The following RPL11 variants were observed in gnomAD, a reference collection of about 807,000 sequenced individuals.
The protein encoded by RPL11 is large ribosomal subunit protein uL5.
RPL11 carries 3 observed loss-of-function variants against 24.1 expected under a neutral mutation model. The observed-to-expected ratio is 0.12, with a 90% CI of 0.06 to 0.32. The LOEUF (loss-of-function observed/expected upper bound fraction) is 0.32, where lower values mean the gene tolerates loss of function less well. RPL11 is among the 10% of genes least tolerant of loss of function. The pLI is 1.00. For missense variants in RPL11, 146 were observed against 225.7 expected, an observed-to-expected ratio of 0.65 and a Z score of 2.26; for synonymous variants, 96 against 75.7, an observed-to-expected ratio of 1.27 and a Z score of -1.39.
chr1:23,695,612 T>A (rs1644528518), intron 4 of RPL11, 186 bp from the exon 5 acceptor site: 1 of 647,094 alleles, frequency 1.5e-6, no homozygotes, highest in Non-Finnish European at 2.8e-6. Flanking sequence ...AAAGCAAACT[T>A]ACAGTATGGC....
chr1:23,693,766 G>T (rs1277087007), intron 2 of RPL11, 41 bp from the exon 3 acceptor site: 2 of 1,343,398 alleles, frequency 1.5e-6, no homozygotes, highest in Non-Finnish European at 2.1e-6. Context: ...GTGTAGTGGG[G>T]GTATGATGGC....
chr1:23,696,239 C>G, intron 5 of RPL11, 105 bp from the exon 6 acceptor site: 1 of 1,114,444 alleles, frequency 9.0e-7, no homozygotes, highest in Non-Finnish European at 1.4e-6. Context: ...GGATTCAGAG[C>G]CCAAGTTCAT....
intron 4 of RPL11, 77 bp from the exon 5 acceptor site, chr1:23,695,721 G>C: frequency 7.6e-7 from 1 of 1,310,234 alleles, no homozygotes. Context: ...TTGAAGATCT[G>C]TCTGTAATGT....
chr1:23,694,674 G>A lies in RPL11; in HGVS notation c.279G>A (p.Glu93=), dbSNP rs1352894222. 1.2e-6 allele frequency: 2 copies of A among 1,613,870 alleles called. No individual in the cohort carries two copies. The highest frequency in any genetic ancestry group is 1.7e-6 in the Non-Finnish European group (2 of 1,179,920). Residue 93 remains glutamate (E), a synonymous_variant, in exon 4 of 6, where the codon GAG becomes GAA. Coordinates refer to ENST00000643754, the MANE Select transcript of RPL11 (RefSeq NM_000975.5). ...TTTCTCCACAGGTGCGGGAGTATGA[G>A]TTAAGAAAAAACAACTTCTCAGATA... ...LEKGLKVREY[E]LRKNNFSDTG...
intron 5 of RPL11, among the ~76,000 whole-genome samples, 156 bp from the exon 6 acceptor site, chr1:23,696,188 G>A (rs1397824478): frequency 6.6e-6 from 1 of 152,130 alleles, no homozygotes; most frequent in African/African-American, 2.4e-5. Flanking sequence ...TCAGCACAGT[G>A]TAAAAACCAG....
intron 1 of RPL11, 192 bp from the exon 2 acceptor site, chr1:23,692,417 G>A (rs991868679): frequency 2.0e-5 from 13 of 637,010 alleles, no homozygotes; most frequent in Admixed American, 5.3e-5. Flanking sequence ...CACCCGTTCC[G>A]TTCGTGGAGG....
chr1:23,694,853 A>G (rs1021462709), intron 4 of RPL11, 62 bp downstream of exon 4: 13 of 1,609,978 alleles, frequency 8.1e-6, no homozygotes, highest in Non-Finnish European at 1.0e-5. Flanking sequence ...TTTATTTCAT[A>G]TGTGGTATGT....
chr1:23,692,464 C>G lies in RPL11; in HGVS notation c.7-145C>G, dbSNP rs887624618. 2.1e-5 allele frequency: 21 copies of G among 999,166 alleles called. No homozygotes were observed. The South Asian group carries it at 2.9e-4, about 14-fold the overall frequency. 61.9% of individuals were successfully genotyped at this position (999,166 alleles called of 1,614,324 possible). ...CCGAGCTGTCTTCTTCCCTTGATGT[C>G]CCCTAAACATTATACCTTTTAAACA... On this transcript the variant is annotated intron_variant, in intron 1 of 5. Transcript: ENST00000643754.
chr1:23,695,709 C>G, intron 4 of RPL11, 89 bp from the exon 5 acceptor site: 1 of 1,245,880 alleles, frequency 8.0e-7, no homozygotes, highest in Non-Finnish European at 1.1e-6. Flanking sequence ...CCAAGTGACT[C>G]TTTGAAGATC....
chr1:23,696,265 G>A (rs1644532293), intron 5 of RPL11, 79 bp from the exon 6 acceptor site: 1 of 1,331,858 alleles, frequency 7.5e-7, no homozygotes, highest in East Asian at 2.3e-5. Flanking sequence ...AATCAGATGT[G>A]AATTCTCAAA....
chr1:23,694,709 T>G lies in RPL11; in HGVS notation c.314T>G (p.Phe105Cys). ...AACAACTTCTCAGATACTGGAAACTTTGGTTTTGGGATCCAGGAACACATC... is the reference window on the plus strand; with the variant it reads ...AACAACTTCTCAGATACTGGAAACTGTGGTTTTGGGATCCAGGAACACATC... ...RKNNFSDTGNFGFGIQEHIDL... is the reference protein window; with the variant it reads ...RKNNFSDTGNCGFGIQEHIDL... The change falls in exon 4 of 6, where the codon TTT becomes TGT. Residue 105 changes from phenylalanine (F) to cysteine (C), a missense_variant. Coordinates refer to ENST00000643754, the MANE Select transcript of RPL11 (RefSeq NM_000975.5). 3 of 1,614,062 alleles carry G rather than the reference T, an allele frequency of 1.9e-6. No homozygotes were observed. The highest frequency in any genetic ancestry group is 2.5e-6 in the Non-Finnish European group (3 of 1,179,990).
intron 4 of RPL11, 144 bp downstream of exon 4, chr1:23,694,935 T>TG: frequency 7.6e-7 from 1 of 1,313,528 alleles, no homozygotes; most frequent in Non-Finnish European, 1.1e-6. Flanking sequence ...TGGGGAAATG[T>TG]GCCTCATTTG....
chr1:23,692,237 G>A (rs887603034), intron 1 of RPL11: 4 of 421,592 alleles, frequency 9.5e-6, no homozygotes, highest in Non-Finnish European at 1.7e-5. Context: ...GATGCTGGAC[G>A]TCGCATAACC....
chr1:23,695,579 G>A lies in RPL11; in HGVS notation c.397-219G>A, dbSNP rs529227088. On this transcript the variant is annotated intron_variant, in intron 4 of 5. Transcript: ENST00000643754. ...CACTGGAAAATAGGCTGGGTTAGGG[G>A]GGTGCTGAAAGTTCCAGCCTCCAAA... is the stretch of plus-strand genomic sequence containing the variant. 47 of 590,848 alleles carry A rather than the reference G, an allele frequency of 8.0e-5. No individual in the cohort carries two copies. In the Admixed American group the frequency reaches 1.2e-3, roughly 15 times the overall value. The allele number at this position is 590,848 out of a possible 1,614,324, so 36.6% of individuals were successfully genotyped here.
chr1:23,693,409 C>T (rs1444597843), intron 2 of RPL11, among the ~76,000 whole-genome samples: 1 of 152,158 alleles, frequency 6.6e-6, no homozygotes, highest in Non-Finnish European at 1.5e-5. Context: ...AGTTAATAAA[C>T]CTCTCAAAAC....
chr1:23,695,615 A>T, intron 4 of RPL11, 183 bp from the exon 5 acceptor site: 1 of 654,750 alleles, frequency 1.5e-6, no homozygotes, highest in Non-Finnish European at 2.8e-6. Context: ...GCAAACTTAC[A>T]GTATGGCTGT....
intron 3 of RPL11, among the ~76,000 whole-genome samples, chr1:23,694,173 C>T (rs1469106755): frequency 6.6e-6 from 1 of 151,832 alleles, no homozygotes; most frequent in African/African-American, 2.4e-5. Context: ...GCCAGGAGTT[C>T]GAGACCATCC....
intron 4 of RPL11, 155 bp downstream of exon 4, chr1:23,694,946 T>A: frequency 8.4e-7 from 1 of 1,191,252 alleles, no homozygotes; most frequent in Non-Finnish European, 1.2e-6. Flanking sequence ...GCCTCATTTG[T>A]GGCAAATGTA....
chr1:23,696,459 A>G lies in RPL11; in HGVS notation c.*86A>G. Reference sequence around the variant, plus strand: ...TGTGTTCTGTGAAAGGATCCTGGCCATATTCAAGTCCTTGGACCTCAAGCC... The same window carrying G: ...TGTGTTCTGTGAAAGGATCCTGGCCGTATTCAAGTCCTTGGACCTCAAGCC... On this transcript the variant is annotated 3_prime_UTR_variant, in exon 6 of 6. Coordinates refer to ENST00000643754, the MANE Select transcript of RPL11 (RefSeq NM_000975.5). 1 of 1,392,444 alleles carries G rather than the reference A, an allele frequency of 7.2e-7. No individual in the cohort carries two copies. The allele number at this position is 1,392,444 out of a possible 1,614,324, so 86.3% of individuals were successfully genotyped here.
Sources: allele counts gnomAD v4.1 joint callset (sites outside exome capture counted in the v4.1 genomes callset), GRCh38; gene constraint gnomAD v4.1.1; transcripts MANE v1.5; gene names NCBI Gene and HGNC (gene_info 2026-07-23, HGNC 2026-07-21).